The following PPP1R12A variants were observed in gnomAD, a reference collection of about 807,000 sequenced individuals.
The protein encoded by PPP1R12A is protein phosphatase 1 regulatory subunit 12A.
Under a neutral mutation model 139.6 loss-of-function variants are expected in PPP1R12A, and 19 were observed. The observed-to-expected ratio is 0.14, with a 90% CI of 0.09 to 0.20. PPP1R12A has a LOEUF of 0.20. Among genes scored for constraint, PPP1R12A ranks in the 10% least tolerant of loss-of-function variants. The pLI is 1.00. For synonymous variants in PPP1R12A, 427 were observed against 420.6 expected, an observed-to-expected ratio of 1.02 and a Z score of -0.19; for missense variants, 925 against 1,211.5, an observed-to-expected ratio of 0.76 and a Z score of 3.51.
chr12:79,902,064 A>G (rs1347028094), intron 1 of PPP1R12A, among the ~76,000 whole-genome samples: 1 of 152,230 alleles, frequency 6.6e-6, no homozygotes, highest in East Asian at 1.9e-4. Context: ...AAGAGACTAC[A>G]AAAGTCAGCA....
intron 1 of PPP1R12A, among the ~76,000 whole-genome samples, chr12:79,884,800 C>T (rs780524178): frequency 2.0e-5 from 3 of 152,144 alleles, no homozygotes; most frequent in East Asian, 1.9e-4. Context: ...TTTAATTCCA[C>T]GTACAGGCAG....
intron 1 of PPP1R12A, among the ~76,000 whole-genome samples, chr12:79,899,234 ATATATATATATAT>A (rs1885411456): frequency 2.9e-4 from 1 of 3,470 alleles, no homozygotes; most frequent in African/African-American, 3.3e-4. Flanking sequence ...GATCTTAAAA[ATATATATATATAT>A]ATATATATAT....
chr12:79,822,313 C>G (rs575582763), intron 5 of PPP1R12A, 123 bp from the exon 6 acceptor site: 1 of 617,920 alleles, frequency 1.6e-6, no homozygotes, highest in East Asian at 3.0e-5. Flanking sequence ...GGTTATGATA[C>G]AATAACTACT....
At chr12:79,869,878 AC>A (rs944095283) in intron 2 of PPP1R12A, among the ~76,000 whole-genome samples, 6 of 150,972 alleles carry the variant, frequency 4.0e-5, no homozygotes, top group African/African-American at 1.5e-4. Context: ...CCAGTTTCTT[AC>A]CCCCTGGGTT....
chr12:79,847,107 C>G (rs1879506855), intron 2 of PPP1R12A, among the ~76,000 whole-genome samples: 1 of 152,168 alleles, frequency 6.6e-6, no homozygotes, highest in South Asian at 2.1e-4. Flanking sequence ...TTCCCTCCCC[C>G]AGAGATAAAC....
chr12:79,776,293 C>T (rs752992426), intron 24 of PPP1R12A, among the ~76,000 whole-genome samples: 3 of 152,046 alleles, frequency 2.0e-5, no homozygotes, highest in Non-Finnish European at 4.4e-5. Context: ...CTCACAAGCA[C>T]ACCACATTCC....
intron 11 of PPP1R12A, 126 bp downstream of exon 11, chr12:79,808,357 A>G (rs1195420192): frequency 4.6e-6 from 3 of 646,416 alleles, no homozygotes; most frequent in East Asian, 5.6e-5. Flanking sequence ...TTTCTCCTTC[A>G]GGAATATCCT....
chr12:79,843,051 T>G (rs982905323), intron 3 of PPP1R12A, among the ~76,000 whole-genome samples: 1 of 151,932 alleles, frequency 6.6e-6, no homozygotes, highest in African/African-American at 2.4e-5. Flanking sequence ...TTGTTTTTGG[T>G]TTTTTTTGAT....
intron 3 of PPP1R12A, 50 bp downstream of exon 3, chr12:79,845,252 A>G: frequency 7.4e-7 from 1 of 1,346,574 alleles, no homozygotes; most frequent in Non-Finnish European, 1.0e-6. Flanking sequence ...CTGGAAAAGT[A>G]TCACATTCTT....
intron 1 of PPP1R12A, among the ~76,000 whole-genome samples, chr12:79,894,664 T>A (rs1884971360): frequency 6.6e-6 from 1 of 152,198 alleles, no homozygotes; most frequent in African/African-American, 2.4e-5. Context: ...AAAAAAGTCT[T>A]TTATTGGAAA....
At chr12:79,824,681 A>G (rs1480034379) in intron 5 of PPP1R12A, among the ~76,000 whole-genome samples, 2 of 152,222 alleles carry the variant, frequency 1.3e-5, no homozygotes, top group African/African-American at 4.8e-5. Context: ...GCTAACAGTC[A>G]TGAAGTTATA....
intron 15 of PPP1R12A, 138 bp from the exon 16 acceptor site, chr12:79,797,533 CA>C: frequency 1.3e-6 from 1 of 753,560 alleles, no homozygotes. Flanking sequence ...CAAATGGAAA[CA>C]GCAAGTTACA....
upstream of PPP1R12A, chr12:79,935,291 G>T (rs1444479546): frequency 4.1e-5 from 44 of 1,062,088 alleles, no homozygotes; most frequent in Non-Finnish European, 4.9e-5. Flanking sequence ...GAACTGCGGC[G>T]GTGGTGGCTG....
intron 1 of PPP1R12A, among the ~76,000 whole-genome samples, chr12:79,898,089 T>C (rs1885292071): frequency 2.0e-5 from 3 of 152,182 alleles, no homozygotes; most frequent in Admixed American, 2.0e-4. Flanking sequence ...ACCTCAAATC[T>C]CTGACATTTG....
In PPP1R12A at chr12:79,801,394, CTTTT is replaced by C. The variant is rs1040357569; in HGVS notation, c.2001-2814_2001-2811del. ...AAAAAAAAAAAAAAAAAGCCTCTTT[CTTTT>C]GTTAGCTTTAACATTCTTCTCAATT... is the stretch of plus-strand genomic sequence containing the variant. On this transcript the variant is annotated intron_variant, in intron 14 of 24. Coordinates refer to ENST00000450142, the MANE Select transcript of PPP1R12A (RefSeq NM_002480.3). 1.8e-4 allele frequency among the ~76,000 whole-genome samples: 13 copies of C among 72,644 alleles called. No individual in the cohort carries two copies. In the East Asian group the frequency reaches 1.9e-3, roughly 11 times the overall value. 47.7% of individuals were successfully genotyped at this position (72,644 alleles called of 152,430 possible).
intron 1 of PPP1R12A, among the ~76,000 whole-genome samples, chr12:79,914,675 T>C (rs192554286): frequency 2.5e-4 from 38 of 152,178 alleles, no homozygotes; most frequent in Non-Finnish European, 3.2e-4. Context: ...TCAGCCACCA[T>C]TGATGACCTT....
chr12:79,782,229 T>C (rs1295141146), intron 22 of PPP1R12A: 2 of 171,398 alleles, frequency 1.2e-5, no homozygotes, highest in Non-Finnish European at 2.5e-5. Context: ...CTAATCAGAA[T>C]GGTCAGATTC....
chr12:79,779,083 G>C (rs934719528), intron 23 of PPP1R12A: 1 of 318,184 alleles, frequency 3.1e-6, no homozygotes, highest in African/African-American at 2.2e-5. Context: ...TTATCCAACT[G>C]ACTTTATAGC....
intron 3 of PPP1R12A, among the ~76,000 whole-genome samples, chr12:79,837,303 T>C (rs1263945442): frequency 6.6e-6 from 1 of 151,950 alleles, no homozygotes; most frequent in Admixed American, 6.6e-5. Context: ...TAAATAAAAT[T>C]AGATTGGAAT....
Sources: gnomAD v4.1 joint callset for allele counts (sites outside exome capture counted in the v4.1 genomes callset) on GRCh38, gnomAD v4.1.1 for gene constraint, MANE v1.5 for transcripts, NCBI Gene and HGNC (gene_info 2026-07-23, HGNC 2026-07-21) for gene names.